SDK1: variants seen among roughly 807,000 people sequenced by gnomAD.
The protein encoded by SDK1 is protein sidekick-1.
Under a neutral mutation model 245.5 loss-of-function variants are expected in SDK1, and 157 were observed. The observed-to-expected ratio is 0.64, with a 90% CI of 0.56 to 0.73. The LOEUF (loss-of-function observed/expected upper bound fraction) is 0.73, where lower values mean the gene tolerates loss of function less well. SDK1 is among the 30% of genes least tolerant of loss of function. The probability of loss-of-function intolerance (pLI) is 0.00; values close to 1 mark genes in which losing one functional copy is unlikely to be tolerated. For synonymous variants in SDK1, 1,647 were observed against 1,278.5 expected, an observed-to-expected ratio of 1.29 and a Z score of -6.15; for missense variants, 3,583 against 3,002.3, an observed-to-expected ratio of 1.19 and a Z score of -4.52.
chr7:3,389,916 A>C (rs1399429708), intron 1 of SDK1, among the ~76,000 whole-genome samples: 1 of 152,128 alleles, frequency 6.6e-6, no homozygotes, highest in Non-Finnish European at 1.5e-5. Flanking sequence ...CCTTGAACAG[A>C]CTGTTCAAGT....
intron 26 of SDK1, among the ~76,000 whole-genome samples, chr7:4,129,338 TGCCCTGGAGGA>T (rs1290890921): frequency 7.3e-6 from 1 of 137,522 alleles, no homozygotes; most frequent in Non-Finnish European, 1.6e-5. Flanking sequence ...TGGGGTGGGG[TGCCCTGGAGGA>T]CAGCAGCTTG....
At chr7:3,776,567 A>G (rs1780569850) in intron 4 of SDK1, among the ~76,000 whole-genome samples, 1 of 152,236 alleles carries the variant, frequency 6.6e-6, no homozygotes. Flanking sequence ...GTAAATGAAG[A>G]TAGTATGTGA....
chr7:4,018,645 G>C (rs550255609), intron 17 of SDK1, among the ~76,000 whole-genome samples: 1 of 152,212 alleles, frequency 6.6e-6, no homozygotes, highest in Non-Finnish European at 1.5e-5. Flanking sequence ...TATTAACTGT[G>C]ACTGTTTCAT....
intron 8 of SDK1, 25 bp downstream of exon 8, chr7:3,959,039 A>C: frequency 6.4e-7 from 1 of 1,555,786 alleles, no homozygotes; most frequent in Non-Finnish European, 8.9e-7. Context: ...GCTGCTGGAC[A>C]AGGAGCCATG....
intron 35 of SDK1, among the ~76,000 whole-genome samples, chr7:4,194,313 CATATAT>C (rs1320422565): frequency 0.079 from 9,169 of 115,504 alleles, 799 homozygotes; most frequent in African/African-American, 0.19. Context: ...TACATGTATA[CATATAT>C]GTATGCACGT....
chr7:3,678,842 C>T (rs1336699035), intron 4 of SDK1, among the ~76,000 whole-genome samples: 1 of 152,102 alleles, frequency 6.6e-6, no homozygotes, highest in African/African-American at 2.4e-5. Flanking sequence ...GTGATCTTTT[C>T]AACAAATGGT....
At position 3,727,260 on chromosome 7, in the gene SDK1, T is replaced by A. The variant is rs139047220; in HGVS notation, c.713+85155T>A. ...AGTTTAAAAAACAACCTTGTTGCCA[T>A]GTTGATTTAATCAGAGTTCTGTTTG... On this transcript the variant is annotated intron_variant, in intron 4 of 44. Transcript: ENST00000404826. 5.0e-3 allele frequency among the ~76,000 whole-genome samples: 766 copies of A among 152,322 alleles called. 4 individuals are homozygous for A. The highest frequency in any genetic ancestry group is 9.3e-3 in the Non-Finnish European group (633 of 68,020).
At chr7:3,580,319 G>C (rs909536994) in intron 1 of SDK1, among the ~76,000 whole-genome samples, 2 of 152,114 alleles carry the variant, frequency 1.3e-5, no homozygotes, top group Non-Finnish European at 2.9e-5. Flanking sequence ...AACCAAAAGA[G>C]AGCCTGAATA....
chr7:3,606,627 C>G (rs976356364), intron 1 of SDK1, among the ~76,000 whole-genome samples: 4 of 152,256 alleles, frequency 2.6e-5, no homozygotes, highest in Middle Eastern at 3.4e-3. Flanking sequence ...TTCCTGCTGT[C>G]AGGAAACCTG....
At chr7:4,023,316 C>G (rs1243827372) in intron 17 of SDK1, among the ~76,000 whole-genome samples, 1 of 152,060 alleles carries the variant, frequency 6.6e-6, no homozygotes, top group African/African-American at 2.4e-5. Flanking sequence ...CTTTTCAGCT[C>G]AAGGCATTTT....
intron 4 of SDK1, among the ~76,000 whole-genome samples, chr7:3,730,268 A>G (rs1779140414): frequency 6.6e-6 from 1 of 152,186 alleles, no homozygotes; most frequent in Admixed American, 6.5e-5. Flanking sequence ...ATTTCTGCAA[A>G]TGATGGGAGG....
intron 1 of SDK1, among the ~76,000 whole-genome samples, chr7:3,459,056 T>A (rs1200307406): frequency 6.6e-6 from 1 of 152,164 alleles, no homozygotes; most frequent in Non-Finnish European, 1.5e-5. Flanking sequence ...CTGCTCAGAT[T>A]TCGAATGAGA....
chr7:3,935,386 A>C (rs75429746), intron 5 of SDK1, among the ~76,000 whole-genome samples: 5,646 of 152,328 alleles, frequency 0.037, 361 homozygotes, highest in African/African-American at 0.13. Context: ...AAAAGAAAAA[A>C]TCAAAATTGA....
chr7:4,237,440 A>C (rs1486191021), intron 41 of SDK1, among the ~76,000 whole-genome samples: 2 of 151,938 alleles, frequency 1.3e-5, no homozygotes, highest in Non-Finnish European at 2.9e-5. Context: ...GGGGCTGTTG[A>C]ATTCCCAAAG....
At chr7:3,521,450 A>T (rs756338468) in intron 1 of SDK1, among the ~76,000 whole-genome samples, 9 of 152,168 alleles carry the variant, frequency 5.9e-5, no homozygotes, top group African/African-American at 2.2e-4. Flanking sequence ...TACTCTTTCT[A>T]TCTGTTTAGC....
intron 5 of SDK1, among the ~76,000 whole-genome samples, chr7:3,927,436 A>G (rs1779810878): frequency 6.6e-6 from 1 of 152,134 alleles, no homozygotes; most frequent in Non-Finnish European, 1.5e-5. Flanking sequence ...ACAACTCTGG[A>G]AAATAAGCAT....
chr7:3,777,090 T>C (rs1359852545), intron 4 of SDK1, among the ~76,000 whole-genome samples: 2 of 152,200 alleles, frequency 1.3e-5, no homozygotes, highest in Non-Finnish European at 2.9e-5. Flanking sequence ...TGTAACTCAT[T>C]CTTTCTGATT....
chr7:3,896,107 G>A (rs1020443355), intron 5 of SDK1, among the ~76,000 whole-genome samples: 3 of 152,050 alleles, frequency 2.0e-5, no homozygotes, highest in East Asian at 3.9e-4. Flanking sequence ...TGATAGTCCC[G>A]TTCAAGTCTT....
At chr7:3,986,915 T>G (rs1396304027) in intron 13 of SDK1, among the ~76,000 whole-genome samples, 1 of 152,178 alleles carries the variant, frequency 6.6e-6, no homozygotes, top group African/African-American at 2.4e-5. Flanking sequence ...CTCCCCCTAT[T>G]TATGTGACAG....
Sources: gnomAD v4.1 joint callset for allele counts (sites outside exome capture counted in the v4.1 genomes callset) on GRCh38, gnomAD v4.1.1 for gene constraint, MANE v1.5 for transcripts, NCBI Gene and HGNC (gene_info 2026-07-23, HGNC 2026-07-21) for gene names.